BFAR: variants seen among roughly 807,000 people sequenced by gnomAD.
The protein encoded by BFAR is bifunctional apoptosis regulator.
In BFAR, 52 loss-of-function variants were observed where a neutral mutation model predicts 54.4. The observed-to-expected ratio is 0.96, with a 90% CI of 0.77 to 1.21. The LOEUF is 1.21. Among genes scored for constraint, BFAR ranks in the 50% most tolerant of loss-of-function variants. The pLI is 0.00. For synonymous variants in BFAR, 215 were observed against 204.3 expected, an observed-to-expected ratio of 1.05 and a Z score of -0.45; for missense variants, 571 against 534.0, an observed-to-expected ratio of 1.07 and a Z score of -0.68.
intron 2 of BFAR, among the ~76,000 whole-genome samples, chr16:14,647,785 G>A (rs188099242): frequency 1.8e-4 from 28 of 151,972 alleles, no homozygotes; most frequent in East Asian, 1.7e-3. Flanking sequence ...AATTATGTAC[G>A]TCTTAAATTT....
chr16:14,648,128 C>G (rs1959855519), intron 2 of BFAR, among the ~76,000 whole-genome samples: 1 of 151,430 alleles, frequency 6.6e-6, no homozygotes, highest in Admixed American at 6.6e-5. Context: ...ACCGGTGAGC[C>G]AAGATCACGC....
chr16:14,643,578 G>A (rs981182380), intron 1 of BFAR, among the ~76,000 whole-genome samples: 4 of 152,090 alleles, frequency 2.6e-5, no homozygotes, highest in African/African-American at 9.7e-5. Context: ...GCTCCAGCCT[G>A]GGCAATGTGG....
intron 5 of BFAR, among the ~76,000 whole-genome samples, chr16:14,658,340 T>C (rs1960187025): frequency 6.6e-6 from 1 of 152,148 alleles, no homozygotes; most frequent in South Asian, 2.1e-4. Flanking sequence ...TTCTGTCCCC[T>C]TGGCTGGTGC....
At position 14,644,534 on chromosome 16, in the gene BFAR, C is replaced by A. The variant is rs771251453; in HGVS notation, c.188C>A (p.Ala63Glu). The A allele has an allele frequency of 6.9e-5, 112 of 1,613,934 alleles. 1 individual carries two copies. In the Middle Eastern group the frequency reaches 1.3e-3, roughly 19 times the overall value. The part of the protein sequence containing the change: ...FCRHCLALWW[A>E]SSKKTECPEC... Reference sequence around the variant, plus strand: ...CGTCACTGCCTTGCTTTATGGTGGGCATCTTCAAAGAAAACAGAATGTCCA... The same window carrying A: ...CGTCACTGCCTTGCTTTATGGTGGGAATCTTCAAAGAAAACAGAATGTCCA... The change falls in exon 2 of 8, where the codon GCA becomes GAA. Residue 63 changes from alanine (A) to glutamate (E), a missense_variant. Ala to Glu is a moderately radical substitution (Grantham distance 107). Transcript: ENST00000261658.
chr16:14,658,855 C>T (rs1960201747), intron 5 of BFAR, among the ~76,000 whole-genome samples: 1 of 151,724 alleles, frequency 6.6e-6, no homozygotes, highest in Admixed American at 6.6e-5. Context: ...TTTCAAAAGA[C>T]AAAATTACAA....
chr16:14,637,125 C>G (rs1347096437), intron 1 of BFAR, among the ~76,000 whole-genome samples: 4 of 151,110 alleles, frequency 2.6e-5, no homozygotes, highest in Non-Finnish European at 4.4e-5. Context: ...CATTCCTACC[C>G]CTATTTCTAT....
chr16:14,638,516 A>C (rs187247669), intron 1 of BFAR, among the ~76,000 whole-genome samples: 2 of 152,386 alleles, frequency 1.3e-5, no homozygotes, highest in East Asian at 3.9e-4. Context: ...GAAGGGGTGC[A>C]ACCATGATCA....
At chr16:14,639,747 G>A (rs1403078575) in intron 1 of BFAR, among the ~76,000 whole-genome samples, 2 of 152,278 alleles carry the variant, frequency 1.3e-5, no homozygotes, top group East Asian at 3.9e-4. Flanking sequence ...GGAAAACATA[G>A]AGAAGGTCAT....
At chr16:14,659,226 T>G (rs565913568) in intron 5 of BFAR, among the ~76,000 whole-genome samples, 4 of 146,444 alleles carry the variant, frequency 2.7e-5, no homozygotes, top group South Asian at 4.4e-4. Flanking sequence ...TGCAATTTGG[T>G]TTTTTTTGTT....
intron 7 of BFAR, among the ~76,000 whole-genome samples, chr16:14,666,977 G>C (rs1960458539): frequency 6.6e-6 from 1 of 152,074 alleles, no homozygotes; most frequent in African/African-American, 2.4e-5. Flanking sequence ...TTTGGGAGGT[G>C]AGAGGATTGC....
chr16:14,643,151 A>G (rs1391917222), intron 1 of BFAR, among the ~76,000 whole-genome samples: 3 of 152,184 alleles, frequency 2.0e-5, no homozygotes, highest in African/African-American at 7.2e-5. Flanking sequence ...CGTCTCTACT[A>G]AAAATACAAA....
intron 5 of BFAR, among the ~76,000 whole-genome samples, chr16:14,659,535 T>A (rs1419155007): frequency 6.9e-6 from 1 of 145,706 alleles, no homozygotes; most frequent in Non-Finnish European, 1.5e-5. Flanking sequence ...TGAGCCACCA[T>A]GTCCGGCCTC....
chr16:14,648,687 A>G, intron 3 of BFAR, 95 bp downstream of exon 3: 1 of 884,418 alleles, frequency 1.1e-6, no homozygotes, highest in Non-Finnish European at 1.8e-6. Context: ...TCACTGAAAT[A>G]ATTGATGATG....
chr16:14,663,896 A>G (rs1021227839), intron 6 of BFAR, among the ~76,000 whole-genome samples: 1 of 152,026 alleles, frequency 6.6e-6, no homozygotes, highest in Non-Finnish European at 1.5e-5. Flanking sequence ...AGCTTCCACA[A>G]TTATATGACA....
chr16:14,662,987 C>T (rs532490670), intron 6 of BFAR, among the ~76,000 whole-genome samples: 9 of 152,170 alleles, frequency 5.9e-5, no homozygotes, highest in East Asian at 1.9e-4. Flanking sequence ...CTGCATGCGC[C>T]GGTAATCAGA....
chr16:14,638,812 C>T (rs1230802873), intron 1 of BFAR, among the ~76,000 whole-genome samples: 3 of 151,914 alleles, frequency 2.0e-5, no homozygotes, highest in African/African-American at 7.3e-5. Flanking sequence ...AGGCATGGTG[C>T]TGGGCGCCTG....
chr16:14,659,030 C>T (rs1404798453), intron 5 of BFAR, among the ~76,000 whole-genome samples: 1 of 151,560 alleles, frequency 6.6e-6, no homozygotes, highest in Non-Finnish European at 1.5e-5. Context: ...GCCTCAGCCT[C>T]CTGAGTAGCT....
At chr16:14,656,558 G>C (rs1035300385) in intron 5 of BFAR, among the ~76,000 whole-genome samples, 1 of 151,776 alleles carries the variant, frequency 6.6e-6, no homozygotes, top group South Asian at 2.1e-4. Flanking sequence ...ACCACCTGTT[G>C]GAACACCAGC....
At chr16:14,652,712 T>C (rs1315665092) in intron 4 of BFAR, among the ~76,000 whole-genome samples, 1 of 152,174 alleles carries the variant, frequency 6.6e-6, no homozygotes, top group Non-Finnish European at 1.5e-5. Flanking sequence ...CTTACACAGA[T>C]ATAAATGTGT....
Sources: allele counts gnomAD v4.1 joint callset (sites outside exome capture counted in the v4.1 genomes callset), GRCh38; gene constraint gnomAD v4.1.1; transcripts MANE v1.5; gene names NCBI Gene and HGNC (gene_info 2026-07-23, HGNC 2026-07-21).